PPP2R2B: variants seen among roughly 807,000 people sequenced by gnomAD.
The protein encoded by PPP2R2B is protein phosphatase 2 regulatory subunit Bbeta.
A neutral mutation model predicts 46.0 loss-of-function variants in PPP2R2B; 5 were observed. The ratio of observed to expected loss-of-function variants is 0.11; its 90% confidence interval spans 0.06 to 0.23. The LOEUF (loss-of-function observed/expected upper bound fraction) is 0.23. Among genes scored for constraint, PPP2R2B ranks in the 10% least tolerant of loss-of-function variants. The pLI is 1.00. For missense variants in PPP2R2B, 367 were observed against 575.0 expected, an observed-to-expected ratio of 0.64 and a Z score of 3.70; for synonymous variants, 215 against 206.7, an observed-to-expected ratio of 1.04 and a Z score of -0.34.
At chr5:146,863,807 A>G (rs1761151277) in intron 2 of PPP2R2B, among the ~76,000 whole-genome samples, 1 of 152,224 alleles carries the variant, frequency 6.6e-6, no homozygotes, top group Non-Finnish European at 1.5e-5. Flanking sequence ...CACTTCAAAG[A>G]GGAAGAATGT....
chr5:146,938,239 G>A (rs1365692462), intron 1 of PPP2R2B, among the ~76,000 whole-genome samples: 2 of 152,146 alleles, frequency 1.3e-5, no homozygotes, highest in South Asian at 2.1e-4. Flanking sequence ...ATTGCAAGAT[G>A]TACTCTGATT....
chr5:146,649,490 AC>A lies in PPP2R2B; in HGVS notation c.625+1056del, dbSNP rs1775807648. On this transcript the variant is annotated intron_variant, in intron 6 of 9. Transcript: ENST00000394411. ...GATGGAGTCTGGCTCTGTCACCCAGACTGGAGTGCAGTGGTACGATCTCGGC... is the reference window on the plus strand; with the variant it reads ...GATGGAGTCTGGCTCTGTCACCCAGATGGAGTGCAGTGGTACGATCTCGGC... Among the ~76,000 whole-genome samples, 12 of 151,746 alleles carry A rather than the reference AC, an allele frequency of 7.9e-5. 1 individual carries two copies. The South Asian group carries it at 2.5e-3, about 32-fold the overall frequency.
At chr5:146,885,228 T>C (rs1320054290) in intron 1 of PPP2R2B, among the ~76,000 whole-genome samples, 1 of 152,198 alleles carries the variant, frequency 6.6e-6, no homozygotes, top group East Asian at 1.9e-4. Flanking sequence ...CTGAGGCTAA[T>C]AGAGGTAAAT....
At chr5:146,646,370 A>T (rs561334734) in intron 6 of PPP2R2B, among the ~76,000 whole-genome samples, 13 of 152,284 alleles carry the variant, frequency 8.5e-5, no homozygotes, top group African/African-American at 3.1e-4. Context: ...TTTAATATAA[A>T]TTTTCATTTA....
rs745597400 is a variant in PPP2R2B, at chr5:146,593,074, A to G, written c.961-12T>C. On this transcript the variant is annotated splice_polypyrimidine_tract_variant and intron_variant, in intron 8 of 9. Coordinates refer to ENST00000394411, the MANE Select transcript of PPP2R2B (RefSeq NM_181675.4). ...AGGTAGTCATGAACCTGGAGAGGAAACATATCGAGAAGGTCAGTTATTATT... is the reference window on the plus strand; with the variant it reads ...AGGTAGTCATGAACCTGGAGAGGAAGCATATCGAGAAGGTCAGTTATTATT... The G allele has an allele frequency of 5.2e-5, 83 of 1,588,478 alleles. No homozygotes were observed. The highest frequency in any genetic ancestry group is 7.0e-5 in the Non-Finnish European group (81 of 1,156,738).
At chr5:146,771,723 AT>A (rs1481039240) in intron 2 of PPP2R2B, among the ~76,000 whole-genome samples, 1 of 151,972 alleles carries the variant, frequency 6.6e-6, no homozygotes, top group Non-Finnish European at 1.5e-5. Context: ...TCTCCAAACA[AT>A]TTTTCTATTT....
chr5:146,616,570 A>C (rs552376359), intron 7 of PPP2R2B, among the ~76,000 whole-genome samples: 1 of 152,324 alleles, frequency 6.6e-6, no homozygotes, highest in South Asian at 2.1e-4. Flanking sequence ...AGCAAGTGAT[A>C]TGAATAGATA....
intron 1 of PPP2R2B, among the ~76,000 whole-genome samples, chr5:146,935,277 T>C (rs374036807): frequency 6.6e-6 from 1 of 152,182 alleles, no homozygotes; most frequent in Non-Finnish European, 1.5e-5. Context: ...CCTTCCATCA[T>C]GTGAGGTACA....
chr5:146,629,780 C>T (rs946074254), intron 7 of PPP2R2B, among the ~76,000 whole-genome samples: 3 of 150,202 alleles, frequency 2.0e-5, no homozygotes, highest in Non-Finnish European at 4.4e-5. Flanking sequence ...CTTTCCTTTC[C>T]CCTTTCCCCT....
intron 1 of PPP2R2B, among the ~76,000 whole-genome samples, chr5:146,966,463 T>TA (rs1752414451): frequency 6.6e-6 from 1 of 152,204 alleles, no homozygotes; most frequent in Non-Finnish European, 1.5e-5. Flanking sequence ...ACTGTATTCT[T>TA]ACACTGCGGC....
At chr5:146,609,491 C>T (rs1170516578) in intron 7 of PPP2R2B, among the ~76,000 whole-genome samples, 1 of 152,196 alleles carries the variant, frequency 6.6e-6, no homozygotes, top group Non-Finnish European at 1.5e-5. Flanking sequence ...GATGTGGAGC[C>T]AAGATGGCCG....
At chr5:146,827,689 A>G (rs777708897) in intron 2 of PPP2R2B, among the ~76,000 whole-genome samples, 5 of 152,200 alleles carry the variant, frequency 3.3e-5, no homozygotes, top group Non-Finnish European at 5.9e-5. Flanking sequence ...CATTTATATA[A>G]TAAGTATTGA....
At chr5:146,763,168 C>A (rs1228266122) in intron 2 of PPP2R2B, among the ~76,000 whole-genome samples, 3 of 152,182 alleles carry the variant, frequency 2.0e-5, no homozygotes, top group African/African-American at 7.2e-5. Context: ...ACACCCTTGT[C>A]ACTGGCATCC....
chr5:146,922,007 C>A (rs1763623779), intron 1 of PPP2R2B, among the ~76,000 whole-genome samples: 1 of 152,154 alleles, frequency 6.6e-6, no homozygotes, highest in Non-Finnish European at 1.5e-5. Context: ...GCAAATGAGG[C>A]TCAGAGAGGC....
chr5:146,698,645 G>T (rs926590879), intron 3 of PPP2R2B, among the ~76,000 whole-genome samples: 1 of 151,866 alleles, frequency 6.6e-6, no homozygotes, highest in African/African-American at 2.4e-5. Context: ...CTGAGGTAGG[G>T]TGGGGCAAGG....
At chr5:146,929,357 C>T (rs576528193) in intron 1 of PPP2R2B, among the ~76,000 whole-genome samples, 16 of 152,228 alleles carry the variant, frequency 1.1e-4, no homozygotes, top group Admixed American at 2.0e-4. Context: ...ATGTAATAGA[C>T]ATTCAAAAAA....
intron 4 of PPP2R2B, among the ~76,000 whole-genome samples, chr5:146,692,800 C>T (rs1252080667): frequency 6.6e-6 from 1 of 152,060 alleles, no homozygotes; most frequent in Non-Finnish European, 1.5e-5. Context: ...TCCCAAAGTG[C>T]TGGGATTACA....
chr5:146,835,791 A>C (rs1006746448), intron 2 of PPP2R2B, among the ~76,000 whole-genome samples: 1 of 152,286 alleles, frequency 6.6e-6, no homozygotes, highest in East Asian at 1.9e-4. Context: ...TAAGGCTGGC[A>C]ATGTTCCCTC....
chr5:147,021,374 T>C (rs1197424453), intron 1 of PPP2R2B, among the ~76,000 whole-genome samples: 1 of 151,860 alleles, frequency 6.6e-6, no homozygotes, highest in Non-Finnish European at 1.5e-5. Flanking sequence ...ACTGGAGAGG[T>C]GAGAGTGGAG....
Sources: allele counts gnomAD v4.1 joint callset (sites outside exome capture counted in the v4.1 genomes callset), GRCh38; gene constraint gnomAD v4.1.1; transcripts MANE v1.5; gene names NCBI Gene and HGNC (gene_info 2026-07-23, HGNC 2026-07-21).